Variants in GALNT15 observed in about 807,000 individuals in gnomAD.
The protein encoded by GALNT15 is polypeptide N-acetylgalactosaminyltransferase 15, also known as UDP-GalNAc transferase T15.
Under a neutral mutation model 66.8 loss-of-function variants are expected in GALNT15, and 67 were observed. That is an observed-to-expected ratio of 1.00 (90% CI 0.82 to 1.23). The LOEUF is 1.23. Ranked by LOEUF, GALNT15 falls within the 50% of genes most tolerant of loss-of-function variation. GALNT15 has a pLI of 0.00. For missense variants in GALNT15, 827 were observed against 804.3 expected (o/e 1.03, Z -0.34); for synonymous variants, 313 against 311.5 (o/e 1.00, Z -0.05).
rs111553175 is a variant in GALNT15 at position 16,218,812 on chromosome 3, T to C, written c.1393-591T>C. ...TATCATAGACTCTCTCTCTCTCTCTTTTTTTTTTTTTTTTTTTTTTGCGAG... is the reference window on the plus strand; with the variant it reads ...TATCATAGACTCTCTCTCTCTCTCTCTTTTTTTTTTTTTTTTTTTTGCGAG... On this transcript the variant is annotated intron_variant, in intron 6 of 9. Coordinates refer to ENST00000339732, the MANE Select transcript of GALNT15 (RefSeq NM_054110.5). 7.9e-3 allele frequency among the ~76,000 whole-genome samples: 683 copies of C among 86,044 alleles called. 1 individual carries two copies. Among genetic ancestry groups the C allele is most frequent in the African/African-American group, 0.036 (544 of 14,964 alleles). The allele number at this position is 86,044 out of a possible 152,430, so 56.4% of individuals were successfully genotyped here.
Position 16,176,297 on chromosome 3 carries a change from A to G in GALNT15, c.539+607A>G, listed in dbSNP as rs915239831. Among the ~76,000 whole-genome samples, 1 of 152,236 alleles carries G rather than the reference A, an allele frequency of 6.6e-6. No homozygotes were observed. Among genetic ancestry groups the G allele is most frequent in the Admixed American group, 6.5e-5 (1 of 15,286 alleles). ...GCTCTGCAAGATGGGTGCTAGTAGT[A>G]TCATCATGCTTATTCTATAGGTATG... On this transcript the variant is annotated intron_variant, in intron 1 of 9. Transcript: ENST00000339732. This position sits in a 1 kb window ranked among gnomAD's most constrained non-coding sequence, Gnocchi z 5.6.
At chr3:16,232,721 T>C (rs900243624), downstream of GALNT15, among the ~76,000 whole-genome samples, 2 of 151,202 alleles carry the variant, frequency 1.3e-5, no homozygotes, top group African/African-American at 4.9e-5. Context: ...CCCCAGGCCT[T>C]GATAGATCCC....
intron 3 of GALNT15, among the ~76,000 whole-genome samples, chr3:16,202,790 G>A (rs1033171230): frequency 2.0e-5 from 3 of 152,200 alleles, no homozygotes; most frequent in African/African-American, 7.2e-5. Flanking sequence ...TGGTATCACA[G>A]ACAGGTGGCT....
At position 16,183,321 on chromosome 3, in the gene GALNT15, G is replaced by A. The variant is rs889563854; in HGVS notation, c.539+7631G>A. 1 of 152,186 alleles carries A rather than the reference G, an allele frequency of 6.6e-6. No homozygotes were observed. Among genetic ancestry groups the A allele is most frequent in the Non-Finnish European group, 1.5e-5 (1 of 68,056 alleles). 9.4% of individuals were successfully genotyped at this position (152,186 alleles called of 1,614,324 possible). A position where few individuals can be genotyped will look rare whatever the true frequency, so the allele number is the denominator to read the frequency against. On this transcript the variant is annotated intron_variant, in intron 1 of 9. Coordinates refer to ENST00000339732, the MANE Select transcript of GALNT15 (RefSeq NM_054110.5). The surrounding 1 kb of genome is among the most constrained non-coding windows in gnomAD (Gnocchi z 5.2). ...CAAGCTTCTTCATCCATTCTTCTAA[G>A]GCCTCAGCTCCAGGCTGTGTCCCAG...
At chr3:16,231,757 CCT>C (rs144081488), downstream of GALNT15, 28 of 1,447,312 alleles carry the variant, frequency 1.9e-5, no homozygotes, top group Middle Eastern at 1.7e-4. This position sits in a 1 kb window ranked among gnomAD's most constrained non-coding sequence, Gnocchi z 4.1. Context: ...TACAGTCCTT[CCT>C]CTCTCTCTCC....
intron 9 of GALNT15, among the ~76,000 whole-genome samples, chr3:16,223,850 G>A (rs559445997): frequency 6.6e-6 from 1 of 152,022 alleles, no homozygotes; most frequent in African/African-American, 2.4e-5. Flanking sequence ...GAGCCACTGC[G>A]CCTGGCTACT....
rs887285096 is a variant in GALNT15, at chr3:16,209,756, A to G, written c.1079+1086A>G. 5.3e-5 allele frequency among the ~76,000 whole-genome samples: 8 copies of G among 152,220 alleles called. No individual in the cohort carries two copies. The highest frequency in any genetic ancestry group is 1.5e-5 in the Non-Finnish European group (1 of 68,044). On this transcript the variant is annotated intron_variant, in intron 4 of 9. Coordinates refer to ENST00000339732, the MANE Select transcript of GALNT15 (RefSeq NM_054110.5). The surrounding 1 kb of genome is among the most constrained non-coding windows in gnomAD (Gnocchi z 4.1). ...AGAATCACTGGAACCCAGGAGGCAGAGGTTGCAATGAGCTGAGACCACACT... is the reference window on the plus strand; with the variant it reads ...AGAATCACTGGAACCCAGGAGGCAGGGGTTGCAATGAGCTGAGACCACACT...
chr3:16,233,094 CTTTTT>C (rs61516679), downstream of GALNT15, among the ~76,000 whole-genome samples: 4 of 61,206 alleles, frequency 6.5e-5, no homozygotes, highest in African/African-American at 2.0e-4. Context: ...GATAATGCAT[CTTTTT>C]TTTTTTTTTT....
Position 16,200,355 on chromosome 3 carries a change from A to C in GALNT15, c.707-264A>C, listed in dbSNP as rs556136328. 4.6e-5 allele frequency among the ~76,000 whole-genome samples: 7 copies of C among 152,282 alleles called. No individual in the cohort carries two copies. The South Asian group carries it at 1.5e-3, about 32-fold the overall frequency. On this transcript the variant is annotated intron_variant, in intron 2 of 9. Transcript: ENST00000339732. This position sits in a 1 kb window ranked among gnomAD's most constrained non-coding sequence, Gnocchi z 4.4. ...GTATCTGCTACATTCTTGCTGCTGCATTTGGAGAATGTTAGCAAGTTCTCC... is the reference window on the plus strand; with the variant it reads ...GTATCTGCTACATTCTTGCTGCTGCCTTTGGAGAATGTTAGCAAGTTCTCC...
chr3:16,212,736 T>G lies in GALNT15; in HGVS notation c.1365T>G (p.His455Gln). 1.2e-6 allele frequency: 2 copies of G among 1,613,592 alleles called. No homozygotes were observed. Among genetic ancestry groups the G allele is most frequent in the South Asian group, 2.2e-5 (2 of 91,042 alleles). The part of the protein sequence containing the change: ...LGSFKETFYK[H>Q]SPEAFSLSKA... ...CATTCAAAGAAACCTTCTACAAGCA[T>G]AGCCCAGAGGCCTTCTCCTTGAGCA... is the stretch of plus-strand genomic sequence containing the variant. Residue 455 changes from histidine (H) to glutamine (Q), a missense_variant, in exon 6 of 10, where the codon CAT (histidine) becomes CAG (glutamine). His to Gln is a conservative substitution (Grantham distance 24, BLOSUM62 0). Coordinates refer to ENST00000339732, the MANE Select transcript of GALNT15 (RefSeq NM_054110.5).
In GALNT15 at chr3:16,219,301, G is replaced by C; in HGVS notation, c.1393-102G>C. On this transcript the variant is annotated intron_variant, in intron 6 of 9. Transcript: ENST00000339732. The surrounding 1 kb of genome is among the most constrained non-coding windows in gnomAD (Gnocchi z 4.3). ...ACTGTGGTCTTGGCCCCTTCCTTCT[G>C]TCCTGATCCTTTAGCTTCTTCCCAG... The C allele has an allele frequency of 6.7e-7, 1 of 1,491,754 alleles. No individual in the cohort carries two copies. The highest frequency in any genetic ancestry group is 1.3e-5 in the South Asian group (1 of 79,334). 92.4% of individuals were successfully genotyped at this position (1,491,754 alleles called of 1,614,324 possible). A position where few individuals can be genotyped will look rare whatever the true frequency, so the allele number is the denominator to read the frequency against.
At chr3:16,206,411 C>T (rs902242408) in intron 3 of GALNT15, among the ~76,000 whole-genome samples, 1 of 150,116 alleles carries the variant, frequency 6.7e-6, no homozygotes, top group Non-Finnish European at 1.5e-5. Context: ...CGATGGTTCA[C>T]GCCTGTAATC....
At position 16,188,174 on chromosome 3, in the gene GALNT15, C is replaced by T. The variant is rs972641780; in HGVS notation, c.540-7586C>T. 2.6e-5 allele frequency among the ~76,000 whole-genome samples: 4 copies of T among 152,172 alleles called. No homozygotes were observed. Among genetic ancestry groups the T allele is most frequent in the Non-Finnish European group, 4.4e-5 (3 of 68,036 alleles). ...ATTATCCTGGCTCCGGCTGTATATA[C>T]TTGTAAGGGGGCGTCTCAGAGGAAA... On this transcript the variant is annotated intron_variant, in intron 1 of 9. Coordinates refer to ENST00000339732, the MANE Select transcript of GALNT15 (RefSeq NM_054110.5). This position sits in a 1 kb window ranked among gnomAD's most constrained non-coding sequence, Gnocchi z 4.6.
At position 16,189,858 on chromosome 3, in the gene GALNT15, A is replaced by G. The variant is rs189516615; in HGVS notation, c.540-5902A>G. Among the ~76,000 whole-genome samples, 1 of 152,356 alleles carries G rather than the reference A, an allele frequency of 6.6e-6. No homozygotes were observed. The highest frequency in any genetic ancestry group is 1.9e-4 in the East Asian group (1 of 5,188). ...AATGGAGTCAAAAAGATTGTGAGAA[A>G]TGAGAATTAGTGACTGAAGTATAAC... On this transcript the variant is annotated intron_variant, in intron 1 of 9. Coordinates refer to ENST00000339732, the MANE Select transcript of GALNT15 (RefSeq NM_054110.5). This position sits in a 1 kb window ranked among gnomAD's most constrained non-coding sequence, Gnocchi z 5.1.
chr3:16,231,531 T>G (rs2064081612), downstream of GALNT15, among the ~76,000 whole-genome samples: 1 of 152,100 alleles, frequency 6.6e-6, no homozygotes, highest in Non-Finnish European at 1.5e-5. This position sits in a 1 kb window ranked among gnomAD's most constrained non-coding sequence, Gnocchi z 4.1. Context: ...TACACTAAGT[T>G]ATCACGACAT....
chr3:16,182,065 T>C lies in GALNT15; in HGVS notation c.539+6375T>C, dbSNP rs1185964073. 6.6e-6 allele frequency among the ~76,000 whole-genome samples: 1 copy of C among 152,148 alleles called. No individual in the cohort carries two copies. Among genetic ancestry groups the C allele is most frequent in the Non-Finnish European group, 1.5e-5 (1 of 68,018 alleles). ...ACTTCAGGACAAACCCAGCTGGCCT[T>C]GGGGGTTAGATTAGATGTGGTTAAT... On this transcript the variant is annotated intron_variant, in intron 1 of 9. Coordinates refer to ENST00000339732, the MANE Select transcript of GALNT15 (RefSeq NM_054110.5). The surrounding 1 kb of genome is among the most constrained non-coding windows in gnomAD (Gnocchi z 6.1).
At chr3:16,235,666 T>C (rs1005433595), downstream of GALNT15, among the ~76,000 whole-genome samples, 1 of 152,200 alleles carries the variant, frequency 6.6e-6, no homozygotes, top group African/African-American at 2.4e-5. Flanking sequence ...ATTTGCCTTA[T>C]TTCCATCACC....
Position 16,219,525 on chromosome 3 carries a change from C to A in GALNT15, c.1515C>A (p.Phe505Leu). The A allele has an allele frequency of 6.2e-7, 1 of 1,614,112 alleles. No individual in the cohort carries two copies. Among genetic ancestry groups the A allele is most frequent in the Non-Finnish European group, 8.5e-7 (1 of 1,180,000 alleles). The change falls in exon 7 of 10, where the codon TTC (phenylalanine) becomes TTA (leucine). Residue 505 changes from phenylalanine (F) to leucine (L), a missense_variant. Physicochemically the swap from Phe to Leu is conservative, Grantham distance 22. Coordinates refer to ENST00000339732, the MANE Select transcript of GALNT15 (RefSeq NM_054110.5). The surrounding 1 kb of genome is among the most constrained non-coding windows in gnomAD (Gnocchi z 4.3). ...ACCCATCTGAACCCAGGCCCAGTTTCTCTGGAAAGGCAAGGCATGACCCAG... is the reference window on the plus strand; with the variant it reads ...ACCCATCTGAACCCAGGCCCAGTTTATCTGGAAAGGCAAGGCATGACCCAG... The part of the protein sequence containing the change: ...ELYPSEPRPS[F>L]SGKLHNTGLG...
intron 6 of GALNT15, among the ~76,000 whole-genome samples, chr3:16,217,265 T>A (rs2063889321): frequency 6.6e-6 from 1 of 152,206 alleles, no homozygotes; most frequent in East Asian, 1.9e-4. Context: ...CATTTGGGTG[T>A]CCATTCTCTG....
Sources: allele counts gnomAD v4.1 joint callset (sites outside exome capture counted in the v4.1 genomes callset), GRCh38; gene constraint gnomAD v4.1.1; non-coding constraint Gnocchi (gnomAD v3.1); transcripts MANE v1.5; gene names NCBI Gene and HGNC (gene_info 2026-07-23, HGNC 2026-07-21).